Variants in ZIK1 observed in about 807,000 individuals in gnomAD.
ZIK1 encodes the protein zinc finger protein interacting with ribonucleoprotein K.
ZIK1 carries 12 observed loss-of-function variants against 10.7 expected under a neutral mutation model. That is an observed-to-expected ratio of 1.12 (90% CI 0.72 to 1.81). The LOEUF is 1.81. Ranked by LOEUF, ZIK1 falls within the 40% of genes most tolerant of loss-of-function variation. The probability of loss-of-function intolerance (pLI) is 0.00; values close to 1 mark genes in which losing one functional copy is unlikely to be tolerated. For synonymous variants in ZIK1, 190 were observed against 205.0 expected, an observed-to-expected ratio of 0.93 and a Z score of 0.63; for missense variants, 497 against 585.7, an observed-to-expected ratio of 0.85 and a Z score of 1.56.
At chr19:57,585,149 T>TTA (rs1241303861) in intron 2 of ZIK1, among the ~76,000 whole-genome samples, 159 bp downstream of exon 2, 1 of 152,224 alleles carries the variant, frequency 6.6e-6, no homozygotes, top group African/African-American at 2.4e-5. Context: ...GTAGACGTTC[T>TTA]TATTGCTGGC....
At chr19:57,586,107 T>C (rs1979134146) in intron 2 of ZIK1, among the ~76,000 whole-genome samples, 1 of 152,140 alleles carries the variant, frequency 6.6e-6, no homozygotes, top group Non-Finnish European at 1.5e-5. Flanking sequence ...CAAAGAATGA[T>C]ATATGGAGAC....
chr19:57,590,651 C>A lies in ZIK1; in HGVS notation c.840C>A (p.Ser280=). 6.2e-7 allele frequency: 1 copy of A among 1,614,126 alleles called. No individual in the cohort carries two copies. The highest frequency in any genetic ancestry group is 8.5e-7 in the Non-Finnish European group (1 of 1,180,028). ...NECGKFFSQT[S]HLNDHRRIHT... is the part of the protein sequence containing the mutation. ...GTGGAAAATTCTTTAGCCAAACCTC[C>A]CACCTGAATGATCATCGGAGAATCC... The change falls in exon 4 of 4, where the codon TCC becomes TCA. Residue 280 remains serine, a synonymous_variant. Coordinates refer to ENST00000597850, the MANE Select transcript of ZIK1 (RefSeq NM_001010879.4).
Position 57,590,802 on chromosome 19 carries a change from T to C in ZIK1, c.991T>C (p.Ser331Pro), listed in dbSNP as rs1228971830. The C allele has an allele frequency of 1.4e-5, 23 of 1,613,976 alleles. No homozygotes were observed. The highest frequency in any genetic ancestry group is 1.9e-5 in the Non-Finnish European group (23 of 1,179,996). Residue 331 changes from serine (S) to proline (P), a missense_variant, in exon 4 of 4, where the codon TCC becomes CCC. Transcript: ENST00000597850. The stretch of plus-strand genomic sequence containing the variant: ...TTATGAGTGTAGCCAGTGTGGGAAA[T>C]CCTTTAGCCAAAAAGCCACCCTTGT... ...RPYECSQCGK[S>P]FSQKATLVKH... is the part of the protein sequence containing the mutation.
chr19:57,591,680 T>C lies in ZIK1; in HGVS notation c.*405T>C, dbSNP rs1979709349. The stretch of plus-strand genomic sequence containing the variant: ...CAGGAGGGCCCAGCCTTGGTTCTGC[T>C]GGACACTTATGTGCAAGGATTCCCT... On this transcript the variant is annotated 3_prime_UTR_variant, in exon 4 of 4. Coordinates refer to ENST00000597850, the MANE Select transcript of ZIK1 (RefSeq NM_001010879.4). 5.8e-6 allele frequency: 1 copy of C among 173,168 alleles called. No homozygotes were observed. The highest frequency in any genetic ancestry group is 1.2e-5 in the Non-Finnish European group (1 of 80,812). 10.7% of individuals were successfully genotyped at this position (173,168 alleles called of 1,614,324 possible).
intron 3 of ZIK1, chr19:57,589,381 G>A (rs1979457140): frequency 1.0e-6 from 1 of 985,304 alleles, no homozygotes; most frequent in Non-Finnish European, 1.2e-6. Flanking sequence ...CATGCCACTG[G>A]CCAAATCTCA....
intron 2 of ZIK1, 30 bp from the exon 3 acceptor site, chr19:57,588,509 T>C: frequency 7.1e-7 from 1 of 1,413,260 alleles, no homozygotes; most frequent in East Asian, 2.6e-5. Flanking sequence ...GAGGCGTTGA[T>C]TGTGGAGTGA....
At chr19:57,585,018 C>A in intron 2 of ZIK1, 28 bp downstream of exon 2, 1 of 1,609,038 alleles carries the variant, frequency 6.2e-7, no homozygotes, top group Non-Finnish European at 8.5e-7. Flanking sequence ...CAGGCCCTCA[C>A]TGGTCCTGGC....
Position 57,591,312 on chromosome 19 carries a change from A to C in ZIK1, c.*37A>C, listed in dbSNP as rs760896505. On this transcript the variant is annotated 3_prime_UTR_variant, in exon 4 of 4. Coordinates refer to ENST00000597850, the MANE Select transcript of ZIK1 (RefSeq NM_001010879.4). ...ATGCAGCAAATGTGGAAGCGCCTTCAACTCAAGATCTATCATCATTTAGCT... is the reference window on the plus strand; with the variant it reads ...ATGCAGCAAATGTGGAAGCGCCTTCCACTCAAGATCTATCATCATTTAGCT... The C allele has an allele frequency of 8.4e-6, 13 of 1,556,386 alleles. No homozygotes were observed. Among genetic ancestry groups the C allele is most frequent in the Non-Finnish European group, 8.7e-6 (10 of 1,150,682 alleles).
At chr19:57,585,105 G>A in intron 2 of ZIK1, 115 bp downstream of exon 2, 1 of 918,918 alleles carries the variant, frequency 1.1e-6, no homozygotes, top group Non-Finnish European at 1.6e-6. Context: ...CAAACTGGAA[G>A]CTTGACATCC....
chr19:57,590,085 G>T lies in ZIK1; in HGVS notation c.274G>T (p.Ala92Ser), dbSNP rs1264500337. Residue 92 changes from alanine to serine, a missense_variant, in exon 4 of 4, where the codon GCA becomes TCA. Coordinates refer to ENST00000597850, the MANE Select transcript of ZIK1 (RefSeq NM_001010879.4). Reference protein sequence around the residue: ...NVSVGVSQSKAGSSTQKTQSC... With the variant: ...NVSVGVSQSKSGSSTQKTQSC... ...TTCTGTAGGAGTGTCACAGTCAAAG[G>T]CAGGTTCATCCACACAGAAGACTCA... 2 of 1,614,058 alleles carry T rather than the reference G, an allele frequency of 1.2e-6. No homozygotes were observed. Among genetic ancestry groups the T allele is most frequent in the Non-Finnish European group, 1.7e-6 (2 of 1,180,038 alleles).
rs1332932810 is a variant in ZIK1 at position 57,590,700 on chromosome 19, T to C, written c.889T>C (p.Cys297Arg). 6.2e-7 allele frequency: 1 copy of C among 1,614,118 alleles called. No homozygotes were observed. The change falls in exon 4 of 4, where the codon TGC becomes CGC. Residue 297 changes from cysteine to arginine, a missense_variant. Coordinates refer to ENST00000597850, the MANE Select transcript of ZIK1 (RefSeq NM_001010879.4). ...RIHTGERPYE[C>R]SECGKLFRQN... The stretch of plus-strand genomic sequence containing the variant: ...CCACACCGGAGAAAGGCCTTATGAG[T>C]GCAGCGAATGTGGAAAATTATTTAG...
intron 3 of ZIK1, chr19:57,589,332 A>C (rs1454469690): frequency 1.0e-6 from 1 of 985,280 alleles, no homozygotes; most frequent in Non-Finnish European, 1.2e-6. Context: ...TTCCGATCAC[A>C]TAAGGAGCCT....
At chr19:57,587,564 G>T (rs1415570709) in intron 2 of ZIK1, among the ~76,000 whole-genome samples, 1 of 152,150 alleles carries the variant, frequency 6.6e-6, no homozygotes, top group East Asian at 1.9e-4. Flanking sequence ...TCTGCAACCT[G>T]GAAAGAGTCC....
At chr19:57,589,894 C>G in intron 3 of ZIK1, 117 bp from the exon 4 acceptor site, 1 of 1,299,344 alleles carries the variant, frequency 7.7e-7, no homozygotes, top group Non-Finnish European at 1.0e-6. Context: ...CAACTTGCCC[C>G]CAGCTCCATT....
Position 57,584,348 on chromosome 19 carries a change from C to G in ZIK1, c.-9C>G. 6.3e-7 allele frequency: 1 copy of G among 1,597,242 alleles called. No individual in the cohort carries two copies. Among genetic ancestry groups the G allele is most frequent in the Non-Finnish European group, 8.5e-7 (1 of 1,172,518 alleles). On this transcript the variant is annotated 5_prime_UTR_variant, in exon 1 of 4. Coordinates refer to ENST00000597850, the MANE Select transcript of ZIK1 (RefSeq NM_001010879.4). Reference sequence around the variant, plus strand: ...TCGGGTCCCGGCCCCGCTCTGCCCACAGACTCCGATGGCTGCGGCCGCGCT... The same window carrying G: ...TCGGGTCCCGGCCCCGCTCTGCCCAGAGACTCCGATGGCTGCGGCCGCGCT...
intron 3 of ZIK1, 60 bp from the exon 4 acceptor site, chr19:57,589,951 T>C (rs1979503136): frequency 6.4e-7 from 1 of 1,552,882 alleles, no homozygotes; most frequent in Non-Finnish European, 8.7e-7. Flanking sequence ...ATGTGTGTAA[T>C]GGGGCTTCTT....
intron 2 of ZIK1, among the ~76,000 whole-genome samples, chr19:57,586,964 AAG>A (rs1979214615): frequency 6.6e-6 from 1 of 152,202 alleles, no homozygotes; most frequent in Non-Finnish European, 1.5e-5. Context: ...TGTAAGGAAA[AAG>A]AGGTTTAATG....
intron 2 of ZIK1, among the ~76,000 whole-genome samples, chr19:57,585,695 T>G (rs529475017): frequency 6.6e-6 from 1 of 152,078 alleles, no homozygotes; most frequent in Non-Finnish European, 1.5e-5. Flanking sequence ...AGGATTGATT[T>G]TATTTTTATT....
At position 57,590,641 on chromosome 19, in the gene ZIK1, G is replaced by A; in HGVS notation, c.830G>A (p.Ser277Asn). ...WECNECGKFF[S>N]QTSHLNDHRR... Reference sequence around the variant, plus strand: ...TGCAATGAATGTGGAAAATTCTTTAGCCAAACCTCCCACCTGAATGATCAT... The same window carrying A: ...TGCAATGAATGTGGAAAATTCTTTAACCAAACCTCCCACCTGAATGATCAT... Residue 277 changes from serine (S) to asparagine (N), a missense_variant, in exon 4 of 4, where the codon AGC becomes AAC. Transcript: ENST00000597850. 6.2e-7 allele frequency: 1 copy of A among 1,614,184 alleles called. No homozygotes were observed. The highest frequency in any genetic ancestry group is 8.5e-7 in the Non-Finnish European group (1 of 1,180,028).
Sources: gnomAD v4.1 joint callset for allele counts (sites outside exome capture counted in the v4.1 genomes callset) on GRCh38, gnomAD v4.1.1 for gene constraint, MANE v1.5 for transcripts, NCBI Gene and HGNC (gene_info 2026-07-23, HGNC 2026-07-21) for gene names.